Variants in SS18 observed in about 807,000 individuals in gnomAD.
SS18 encodes the protein protein SSXT.
Under a neutral mutation model 72.5 loss-of-function variants are expected in SS18, and 28 were observed. The observed-to-expected ratio is 0.39, with a 90% CI of 0.29 to 0.53. The LOEUF (loss-of-function observed/expected upper bound fraction) is 0.53, where lower values mean the gene tolerates loss of function less well. Ranked by LOEUF, SS18 falls within the 20% of genes least tolerant of loss-of-function variation. The pLI is 0.76. For synonymous variants in SS18, 172 were observed against 164.2 expected, an observed-to-expected ratio of 1.05 and a Z score of -0.37; for missense variants, 518 against 535.3, an observed-to-expected ratio of 0.97 and a Z score of 0.32.
chr18:26,046,191 C>CAAAA (rs760639087), intron 5 of SS18, among the ~76,000 whole-genome samples: 19 of 44,656 alleles, frequency 4.3e-4, no homozygotes, highest in South Asian at 1.6e-3. Context: ...GACTCCGTCT[C>CAAAA]AAAAAAAAAA....
At chr18:26,082,099 G>GA (rs909176428) in intron 2 of SS18, among the ~76,000 whole-genome samples, 5 of 151,556 alleles carry the variant, frequency 3.3e-5, no homozygotes, top group African/African-American at 4.8e-5. Flanking sequence ...TTGATATGAG[G>GA]AAAAAAAGGA....
chr18:26,020,551 C>T (rs2053331801), intron 10 of SS18, among the ~76,000 whole-genome samples: 1 of 152,026 alleles, frequency 6.6e-6, no homozygotes, highest in Non-Finnish European at 1.5e-5. Context: ...TGAAAGAGAC[C>T]AGGTCAATAA....
intron 5 of SS18, among the ~76,000 whole-genome samples, chr18:26,044,272 T>C (rs1197562216): frequency 3.9e-5 from 6 of 152,220 alleles, no homozygotes; most frequent in South Asian, 2.1e-4. Flanking sequence ...ATTTAAAATA[T>C]AGTGAAGTAA....
chr18:26,019,826 G>C (rs891517443), intron 10 of SS18, among the ~76,000 whole-genome samples: 9 of 145,190 alleles, frequency 6.2e-5, no homozygotes, highest in African/African-American at 2.3e-4. Flanking sequence ...AGAGATTAGG[G>C]ATTTTACACT....
chr18:26,045,316 G>A (rs1050275286), intron 5 of SS18, among the ~76,000 whole-genome samples: 4 of 152,102 alleles, frequency 2.6e-5, no homozygotes, highest in Non-Finnish European at 4.4e-5. Flanking sequence ...AGACTTTCAA[G>A]GCCTAGCCTT....
At position 26,035,244 on chromosome 18, in the gene SS18, T is replaced by C. The variant is rs2053608444; in HGVS notation, c.974-117A>G. 1.6e-6 allele frequency: 2 copies of C among 1,255,698 alleles called. No individual in the cohort carries two copies. Among genetic ancestry groups the C allele is most frequent in the Admixed American group, 2.8e-5 (1 of 36,290 alleles). The allele number at this position is 1,255,698 out of a possible 1,614,324, so 77.8% of individuals were successfully genotyped here. On this transcript the variant is annotated intron_variant, in intron 8 of 10. Coordinates refer to ENST00000415083, the MANE Select transcript of SS18 (RefSeq NM_001007559.3). The surrounding 1 kb of genome is among the most constrained non-coding windows in gnomAD (Gnocchi z 4.4). ...CAAAATGAAATGCCATATTGATTTT[T>C]AGAAGTTAACAAAACAAAGAAAAAA...
chr18:26,087,607 A>G lies in SS18; in HGVS notation c.70-30T>C, dbSNP rs558317998. 3 of 1,253,658 alleles carry G rather than the reference A, an allele frequency of 2.4e-6. No homozygotes were observed. In the South Asian group the frequency reaches 3.9e-5, roughly 16 times the overall value. 77.7% of individuals were successfully genotyped at this position (1,253,658 alleles called of 1,614,324 possible). A position where few individuals can be genotyped will look rare whatever the true frequency, so the allele number is the denominator to read the frequency against. ...AACAGAATTAGAAAAGGTTTAGCAT[A>G]AAACTAGTGCATCAAGTAAAATAAA... On this transcript the variant is annotated intron_variant, in intron 1 of 10. Coordinates refer to ENST00000415083, the MANE Select transcript of SS18 (RefSeq NM_001007559.3).
At chr18:26,029,026 C>A (rs865958701) in intron 10 of SS18, among the ~76,000 whole-genome samples, 1 of 152,114 alleles carries the variant, frequency 6.6e-6, no homozygotes, top group Non-Finnish European at 1.5e-5. Context: ...CTCTCTGATA[C>A]GACGTGATGA....
intron 3 of SS18, among the ~76,000 whole-genome samples, chr18:26,066,600 GCACACACACACA>G (rs35011668): frequency 1.1e-3 from 160 of 144,428 alleles, no homozygotes; most frequent in Non-Finnish European, 1.3e-3. Flanking sequence ...GGAAATTTGT[GCACACACACACA>G]CACACACACA....
At chr18:26,045,756 T>C (rs1328289141) in intron 5 of SS18, among the ~76,000 whole-genome samples, 2 of 152,028 alleles carry the variant, frequency 1.3e-5, no homozygotes, top group East Asian at 3.9e-4. Flanking sequence ...TAATAATCAG[T>C]AGGGAAAAAA....
chr18:26,046,217 A>AG (rs1276568565), intron 5 of SS18, among the ~76,000 whole-genome samples: 2 of 144,616 alleles, frequency 1.4e-5, no homozygotes, highest in Non-Finnish European at 3.0e-5. Flanking sequence ...AAAAAGAAGT[A>AG]GAAAAAAAAA....
intron 10 of SS18, among the ~76,000 whole-genome samples, chr18:26,019,317 A>C (rs1302052843): frequency 3.3e-5 from 5 of 152,206 alleles, no homozygotes; most frequent in Admixed American, 2.6e-4. Flanking sequence ...GGAAGCATAT[A>C]ATTAGTTAAC....
At chr18:26,069,521 AAAAAAG>A (rs1271277873) in intron 3 of SS18, among the ~76,000 whole-genome samples, 4 of 150,526 alleles carry the variant, frequency 2.7e-5, no homozygotes, top group Non-Finnish European at 5.9e-5. Flanking sequence ...AAAAAAAAAA[AAAAAAG>A]AAAAAGAAAG....
intron 3 of SS18, among the ~76,000 whole-genome samples, chr18:26,072,298 G>A (rs898557944): frequency 1.3e-5 from 2 of 150,900 alleles, no homozygotes; most frequent in African/African-American, 4.9e-5. Flanking sequence ...ATTAATTATT[G>A]GCCGGGCACA....
intron 5 of SS18, among the ~76,000 whole-genome samples, chr18:26,041,192 G>C (rs2053717245): frequency 6.6e-6 from 1 of 152,200 alleles, no homozygotes; most frequent in African/African-American, 2.4e-5. Context: ...GGAGGCTAAG[G>C]TGGGTGGATC....
intron 10 of SS18, among the ~76,000 whole-genome samples, chr18:26,026,880 C>T (rs2053455022): frequency 6.6e-6 from 1 of 151,932 alleles, no homozygotes; most frequent in Non-Finnish European, 1.5e-5. Flanking sequence ...TTTACAATAG[C>T]ATCAAAACAC....
chr18:26,047,200 C>A (rs1036977429), intron 5 of SS18, among the ~76,000 whole-genome samples: 2 of 146,928 alleles, frequency 1.4e-5, no homozygotes, highest in South Asian at 4.3e-4. Flanking sequence ...TTTCTGTTAG[C>A]GCCTGGCACT....
intron 2 of SS18, among the ~76,000 whole-genome samples, chr18:26,081,988 G>A (rs1032546528): frequency 5.9e-5 from 9 of 152,078 alleles, no homozygotes; most frequent in Non-Finnish European, 1.0e-4. Context: ...AGAACAGGAG[G>A]TTGAGGCTGC....
In SS18 at chr18:26,039,291, T is replaced by C. The variant is rs1338830427; in HGVS notation, c.773A>G (p.Gln258Arg). 1.9e-6 allele frequency: 3 copies of C among 1,604,900 alleles called. No homozygotes were observed. The highest frequency in any genetic ancestry group is 2.2e-5 in the South Asian group (2 of 89,332). The part of the protein sequence containing the change: ...RQIPPYRPPQ[Q>R]GPPQQYSGQE... ...AAATTTTCCAAATGGAATCTTACCC[T>C]GTTGAGGAGGTCTATAGGGAGGAAT... Residue 258 changes from glutamine to arginine, a missense_variant and splice_region_variant, in exon 6 of 11, where the codon CAG (glutamine) becomes CGG (arginine). By Grantham distance (43) the Gln-to-Arg change is conservative (BLOSUM62 1). Coordinates refer to ENST00000415083, the MANE Select transcript of SS18 (RefSeq NM_001007559.3).
Sources: gnomAD v4.1 joint callset for allele counts (sites outside exome capture counted in the v4.1 genomes callset) on GRCh38, gnomAD v4.1.1 for gene constraint, Gnocchi (gnomAD v3.1) non-coding constraint, MANE v1.5 for transcripts, NCBI Gene and HGNC (gene_info 2026-07-23, HGNC 2026-07-21) for gene names.